OSBPL6: variants seen among roughly 807,000 people sequenced by gnomAD.
The protein encoded by OSBPL6 is oxysterol-binding protein-related protein 6.
OSBPL6 carries 49 observed loss-of-function variants against 125.8 expected under a neutral mutation model. That is an observed-to-expected ratio of 0.39 (90% CI 0.31 to 0.49). OSBPL6 has a LOEUF of 0.49. OSBPL6 is among the 20% of genes least tolerant of loss of function. The probability of loss-of-function intolerance (pLI) is 0.88; values close to 1 mark genes in which losing one functional copy is unlikely to be tolerated. For synonymous variants in OSBPL6, 394 were observed against 391.8 expected, an observed-to-expected ratio of 1.01 and a Z score of -0.07; for missense variants, 986 against 1,135.4, an observed-to-expected ratio of 0.87 and a Z score of 1.89.
intron 6 of OSBPL6, 134 bp downstream of exon 6, chr2:178,331,739 C>A: frequency 2.4e-6 from 2 of 844,544 alleles, no homozygotes; most frequent in South Asian, 1.5e-5. Flanking sequence ...ATTTCACAAG[C>A]TCCCAAACCT....
Position 178,339,034 on chromosome 2 carries a change from C to T in OSBPL6, c.834C>T (p.Leu278=). 1 of 1,613,492 alleles carries T rather than the reference C, an allele frequency of 6.2e-7. No individual in the cohort carries two copies. The highest frequency in any genetic ancestry group is 8.5e-7 in the Non-Finnish European group (1 of 1,179,744). ...CAAACCTTGTGGAACTTAGCAAACT[C>T]CTGCAAAATTTGGAAATACTTCAGA... ...CQSNLVELSK[L]LQNLEILQRT... Residue 278 remains leucine, a synonymous_variant, in exon 10 of 25, where the codon CTC becomes CTT. Transcript: ENST00000190611.
chr2:178,323,270 T>G (rs904205995), intron 3 of OSBPL6, among the ~76,000 whole-genome samples: 2 of 152,238 alleles, frequency 1.3e-5, no homozygotes, highest in African/African-American at 4.8e-5. Context: ...TTAGAACATC[T>G]TTTCAAATGT....
At chr2:178,335,999 A>G (rs1167186264) in intron 8 of OSBPL6, among the ~76,000 whole-genome samples, 2 of 152,236 alleles carry the variant, frequency 1.3e-5, no homozygotes, top group Non-Finnish European at 2.9e-5. Flanking sequence ...TGCAAATACA[A>G]TTTACTCAGC....
In OSBPL6 at chr2:178,373,939, A is replaced by G. The variant is rs2154106915; in HGVS notation, c.1445A>G (p.Asn482Ser). 2 of 1,614,134 alleles carry G rather than the reference A, an allele frequency of 1.2e-6. No individual in the cohort carries two copies. The highest frequency in any genetic ancestry group is 1.3e-5 in the African/African-American group (1 of 75,040). ...VSLPLSQQVA[N>S]ESRLSMSESV... Reference sequence around the variant, plus strand: ...CTCCCCTTATCACAGCAAGTAGCCAATGAGAGCCGCCTCTCCATGTCAGAG... The same window carrying G: ...CTCCCCTTATCACAGCAAGTAGCCAGTGAGAGCCGCCTCTCCATGTCAGAG... The change falls in exon 15 of 25, where the codon AAT becomes AGT. Residue 482 changes from asparagine to serine, a missense_variant. This residue lies in a region of OSBPL6 where 843 missense variants were observed against 997.3 expected (regional missense o/e 0.85). Coordinates refer to ENST00000190611, the MANE Select transcript of OSBPL6 (RefSeq NM_032523.4).
intron 12 of OSBPL6, among the ~76,000 whole-genome samples, chr2:178,361,179 C>A (rs1307703903): frequency 6.6e-6 from 1 of 152,174 alleles, no homozygotes; most frequent in African/African-American, 2.4e-5. Flanking sequence ...TCCAAGAGAA[C>A]CAGTCAAAAC....
intron 12 of OSBPL6, among the ~76,000 whole-genome samples, chr2:178,356,734 G>A (rs1691827747): frequency 6.6e-6 from 1 of 152,146 alleles, no homozygotes; most frequent in African/African-American, 2.4e-5. Flanking sequence ...ATTGGAAAAA[G>A]CTACTTTAAA....
chr2:178,389,150 C>G lies in OSBPL6; in HGVS notation c.2298C>G (p.Val766=). The change falls in exon 21 of 25, where the codon GTC becomes GTG. Residue 766 remains valine, a synonymous_variant. Coordinates refer to ENST00000190611, the MANE Select transcript of OSBPL6 (RefSeq NM_032523.4). The part of the protein sequence containing the change: ...SSVCICKLTF[V]KVNYWNSNMN... ...TTTGCATTTGCAAACTCACATTTGT[C>G]AAGGTAAATACTATCATACAACAGT... 6.2e-7 allele frequency: 1 copy of G among 1,613,064 alleles called. No homozygotes were observed. The highest frequency in any genetic ancestry group is 1.3e-5 in the African/African-American group (1 of 75,016).
chr2:178,298,114 CA>C (rs1685926861), intron 2 of OSBPL6, among the ~76,000 whole-genome samples: 1 of 152,162 alleles, frequency 6.6e-6, no homozygotes, highest in African/African-American at 2.4e-5. Flanking sequence ...TAAGTGAAAT[CA>C]TACAGTATTT....
chr2:178,258,454 A>G (rs1336759508), intron 1 of OSBPL6, among the ~76,000 whole-genome samples: 1 of 152,190 alleles, frequency 6.6e-6, no homozygotes, highest in Non-Finnish European at 1.5e-5. Flanking sequence ...TGTATAGATT[A>G]AACAGAATAC....
At position 178,197,990 on chromosome 2, in the gene OSBPL6, A is replaced by G. The variant is rs2089004859; in HGVS notation, c.-351+3316A>G. Among the ~76,000 whole-genome samples, 3 of 152,226 alleles carry G rather than the reference A, an allele frequency of 2.0e-5. No homozygotes were observed. In the South Asian group the frequency reaches 6.2e-4, roughly 32 times the overall value. ...GGTTGAGCAGGAAGTGGTCATGCTG[A>G]GAAGAGGAAGGCTGTTGTGGACTTA... On this transcript the variant is annotated intron_variant, in intron 1 of 24. Coordinates refer to ENST00000190611, the MANE Select transcript of OSBPL6 (RefSeq NM_032523.4).
intron 1 of OSBPL6, among the ~76,000 whole-genome samples, chr2:178,219,330 A>C (rs1281662285): frequency 6.6e-6 from 1 of 152,252 alleles, no homozygotes; most frequent in Non-Finnish European, 1.5e-5. Flanking sequence ...GAAGCACAGA[A>C]GCAGTACAGC....
chr2:178,196,630 C>A lies in OSBPL6; in HGVS notation c.-351+1956C>A, dbSNP rs556780756. Among the ~76,000 whole-genome samples, 3 of 152,268 alleles carry A rather than the reference C, an allele frequency of 2.0e-5. No individual in the cohort carries two copies. In the East Asian group the frequency reaches 5.8e-4, roughly 29 times the overall value. On this transcript the variant is annotated intron_variant, in intron 1 of 24. Coordinates refer to ENST00000190611, the MANE Select transcript of OSBPL6 (RefSeq NM_032523.4). ...AAATAAAGTCCTTCCAAGATGAAAT[C>A]TTTGTGGTTGGAGGTCTTAGTACCA...
intron 2 of OSBPL6, among the ~76,000 whole-genome samples, chr2:178,297,511 GA>G (rs1171473555): frequency 6.6e-6 from 1 of 152,160 alleles, no homozygotes; most frequent in African/African-American, 2.4e-5. Flanking sequence ...TTATTTAATG[GA>G]TATAATGATG....
At chr2:178,344,414 C>T in intron 11 of OSBPL6, 1 of 1,549,696 alleles carries the variant, frequency 6.5e-7, no homozygotes, top group Non-Finnish European at 8.9e-7. Flanking sequence ...AACCTGTGTA[C>T]AAGGATGACT....
At chr2:178,392,002 G>A (rs1025609789) in intron 22 of OSBPL6, among the ~76,000 whole-genome samples, 2 of 152,068 alleles carry the variant, frequency 1.3e-5, no homozygotes, top group Non-Finnish European at 2.9e-5. Context: ...GTTAAAAAGT[G>A]GCAAAAAATA....
intron 12 of OSBPL6, among the ~76,000 whole-genome samples, chr2:178,361,289 A>G (rs1300386989): frequency 6.6e-6 from 1 of 152,198 alleles, no homozygotes; most frequent in African/African-American, 2.4e-5. Context: ...TAAATTATTT[A>G]TGTGAGACTT....
At chr2:178,341,201 G>A (rs376400000) in intron 11 of OSBPL6, among the ~76,000 whole-genome samples, 4 of 151,966 alleles carry the variant, frequency 2.6e-5, no homozygotes, top group Admixed American at 2.0e-4. Context: ...TCTTGTGTCT[G>A]TAGTGTATGC....
At chr2:178,358,642 A>C (rs1452691070) in intron 12 of OSBPL6, among the ~76,000 whole-genome samples, 1 of 152,140 alleles carries the variant, frequency 6.6e-6, no homozygotes, top group Non-Finnish European at 1.5e-5. Flanking sequence ...AAACTATAAA[A>C]CTCCTAGAAG....
chr2:178,200,322 G>A (rs1574461318), intron 1 of OSBPL6, among the ~76,000 whole-genome samples: 1 of 148,358 alleles, frequency 6.7e-6, no homozygotes, highest in African/African-American at 2.5e-5. Flanking sequence ...TGCAATCTCG[G>A]CTCACTGCAA....
Sources: gnomAD v4.1 joint callset for allele counts (sites outside exome capture counted in the v4.1 genomes callset) on GRCh38, gnomAD v4.1.1 for gene constraint, gnomAD v4.1.1 regional missense constraint, MANE v1.5 for transcripts, NCBI Gene and HGNC (gene_info 2026-07-23, HGNC 2026-07-21) for gene names.